The following DISP3 variants were observed in gnomAD, a reference collection of about 807,000 sequenced individuals.
DISP3 encodes the protein protein dispatched homolog 3.
In DISP3, 101 loss-of-function variants were observed where a neutral mutation model predicts 135.3. The observed-to-expected ratio is 0.75, with a 90% CI of 0.64 to 0.88. DISP3 has a LOEUF of 0.88. DISP3 is among the 40% of genes least tolerant of loss of function. The probability of loss-of-function intolerance (pLI) is 0.00; values close to 1 mark genes in which losing one functional copy is unlikely to be tolerated. For synonymous variants in DISP3, 856 were observed against 817.0 expected, an observed-to-expected ratio of 1.05 and a Z score of -0.81; for missense variants, 1,713 against 1,878.6, an observed-to-expected ratio of 0.91 and a Z score of 1.63.
Position 11,501,605 on chromosome 1 carries a change from C to A in DISP3, c.613C>A (p.Arg205Ser), listed in dbSNP as rs1004773311. The change falls in exon 2 of 21, where the codon CGT becomes AGT. Residue 205 changes from arginine (R) to serine (S), a missense_variant. Physicochemically the swap from Arg to Ser is moderately radical, Grantham distance 110 (BLOSUM62 -1). Coordinates refer to ENST00000294484, the MANE Select transcript of DISP3 (RefSeq NM_020780.2). This position sits in a 1 kb window ranked among gnomAD's most constrained non-coding sequence, Gnocchi z 4.9. ...PTANRSGRLR[R>S]ETPPLEDLAA... is the part of the protein sequence containing the mutation. ...AGCCAATCGGAGCGGGCGACTTCGG[C>A]GTGAGACCCCGCCCCTGGAGGATCT... The A allele has an allele frequency of 1.2e-5, 20 of 1,601,782 alleles. No homozygotes were observed. The highest frequency in any genetic ancestry group is 1.7e-5 in the Non-Finnish European group (20 of 1,173,606).
chr1:11,500,784 G>T (rs1440587438), intron 1 of DISP3, among the ~76,000 whole-genome samples: 2 of 152,200 alleles, frequency 1.3e-5, no homozygotes, highest in Non-Finnish European at 2.9e-5. Flanking sequence ...AGGGAGAAGT[G>T]ATGGGCAAAT....
chr1:11,522,706 A>G (rs376045929), intron 10 of DISP3, among the ~76,000 whole-genome samples: 472 of 24,120 alleles, frequency 0.02, 11 homozygotes, highest in East Asian at 0.057. Context: ...CCCAGCCAGG[A>G]CCCAGCCAGG....
chr1:11,482,141 T>A (rs956967771), intron 1 of DISP3, among the ~76,000 whole-genome samples: 1 of 152,226 alleles, frequency 6.6e-6, no homozygotes, highest in African/African-American at 2.4e-5. Flanking sequence ...CTCCCCATCC[T>A]CCCCATCCCC....
At chr1:11,482,376 T>C (rs899263652) in intron 1 of DISP3, among the ~76,000 whole-genome samples, 2 of 152,188 alleles carry the variant, frequency 1.3e-5, no homozygotes, top group African/African-American at 4.8e-5. Context: ...CAGGCTCTGA[T>C]GCCAAGAGGG....
At chr1:11,502,235 A>G in intron 2 of DISP3, 147 bp downstream of exon 2, 14 of 1,299,214 alleles carry the variant, frequency 1.1e-5, no homozygotes, top group Non-Finnish European at 1.3e-5. Flanking sequence ...GCAAGGTGAA[A>G]AGGGCTGGGC....
At chr1:11,525,885 C>G (rs1157946073) in intron 12 of DISP3, among the ~76,000 whole-genome samples, 4 of 152,214 alleles carry the variant, frequency 2.6e-5, no homozygotes, top group Non-Finnish European at 5.9e-5. Context: ...TCATAGCTCA[C>G]TGCAGCCTCG....
chr1:11,489,386 C>T (rs1371688290), intron 1 of DISP3, among the ~76,000 whole-genome samples: 1 of 152,252 alleles, frequency 6.6e-6, no homozygotes, highest in Non-Finnish European at 1.5e-5. Flanking sequence ...TTCCGCAGAG[C>T]TAGGAACTGG....
Position 11,536,835 on chromosome 1 carries a change from G to T in DISP3, c.*149G>T, listed in dbSNP as rs1487155017. On this transcript the variant is annotated 3_prime_UTR_variant, in exon 21 of 21. Coordinates refer to ENST00000294484, the MANE Select transcript of DISP3 (RefSeq NM_020780.2). This position sits in a 1 kb window ranked among gnomAD's most constrained non-coding sequence, Gnocchi z 4.3. ...GTGGAGGCTGACACCCACACAGATG[G>T]TGTGGACCATGCTGCCTTGTGGAGC... 2 of 1,088,960 alleles carry T rather than the reference G, an allele frequency of 1.8e-6. No homozygotes were observed. The highest frequency in any genetic ancestry group is 2.9e-5 in the Admixed American group (1 of 34,222). The allele number at this position is 1,088,960 out of a possible 1,614,324, so 67.5% of individuals were successfully genotyped here.
In DISP3 at chr1:11,520,855, CTTCTAGCCAGGCTG is replaced by C. The variant is rs759939731; in HGVS notation, c.2362+9_2362+22del. On this transcript the variant is annotated splice_region_variant and intron_variant, in intron 10 of 20. Coordinates refer to ENST00000294484, the MANE Select transcript of DISP3 (RefSeq NM_020780.2). The surrounding 1 kb of genome is among the most constrained non-coding windows in gnomAD (Gnocchi z 4.8). ...TCCTGCATCACCTGTTCAGGTGAGGCTTCTAGCCAGGCTGTCCCTGGCCCGCTCAGGTGTCCGGG... is the reference window on the plus strand; with the variant it reads ...TCCTGCATCACCTGTTCAGGTGAGGCTCCCTGGCCCGCTCAGGTGTCCGGG... 1 of 1,590,884 alleles carries C rather than the reference CTTCTAGCCAGGCTG, an allele frequency of 6.3e-7. No individual in the cohort carries two copies. Among genetic ancestry groups the C allele is most frequent in the East Asian group, 2.3e-5 (1 of 43,772 alleles).
chr1:11,501,978 C>T lies in DISP3; in HGVS notation c.986C>T (p.Ser329Phe), dbSNP rs754228171. The T allele has an allele frequency of 6.2e-7, 1 of 1,613,900 alleles. No homozygotes were observed. The change falls in exon 2 of 21, where the codon TCC becomes TTC. Residue 329 changes from serine to phenylalanine, a missense_variant. Transcript: ENST00000294484. This position sits in a 1 kb window ranked among gnomAD's most constrained non-coding sequence, Gnocchi z 4.9. ...HEVLKDLPLG[S>F]YSYCSPPSSL... ...GTGCTCAAGGATCTGCCGCTGGGCT[C>T]CTACTCCTACTGCTCGCCCCCCAGC...
Position 11,531,506 on chromosome 1 carries a change from G to A in DISP3, c.3230-59G>A. On this transcript the variant is annotated intron_variant, in intron 16 of 20. Coordinates refer to ENST00000294484, the MANE Select transcript of DISP3 (RefSeq NM_020780.2). The surrounding 1 kb of genome is among the most constrained non-coding windows in gnomAD (Gnocchi z 5.2). ...GTGAGTGCGTGGGCACAGGTGTGATGCAGGGGGACAGGCTCTTCCAGGGCC... is the reference window on the plus strand; with the variant it reads ...GTGAGTGCGTGGGCACAGGTGTGATACAGGGGGACAGGCTCTTCCAGGGCC... 1 of 1,610,436 alleles carries A rather than the reference G, an allele frequency of 6.2e-7. No individual in the cohort carries two copies. Among genetic ancestry groups the A allele is most frequent in the African/African-American group, 1.3e-5 (1 of 74,974 alleles).
intron 3 of DISP3, among the ~76,000 whole-genome samples, chr1:11,513,952 T>G (rs200827164): frequency 0.16 from 23,731 of 151,544 alleles, 2,120 homozygotes; most frequent in East Asian, 0.46. Flanking sequence ...GGTTATGTTT[T>G]TTTTTTTTTT....
intron 3 of DISP3, among the ~76,000 whole-genome samples, chr1:11,509,760 A>G (rs902381789): frequency 6.6e-6 from 1 of 152,012 alleles, no homozygotes. Context: ...CTTTTATCCT[A>G]TTCGTGTCCT....
Position 11,536,809 on chromosome 1 carries a change from C to T in DISP3, c.*123C>T, listed in dbSNP as rs1312831392. 11 of 1,283,630 alleles carry T rather than the reference C, an allele frequency of 8.6e-6. No homozygotes were observed. The highest frequency in any genetic ancestry group is 2.6e-5 in the East Asian group (1 of 39,154). 79.5% of individuals were successfully genotyped at this position (1,283,630 alleles called of 1,614,324 possible). On this transcript the variant is annotated 3_prime_UTR_variant, in exon 21 of 21. Transcript: ENST00000294484. The surrounding 1 kb of genome is among the most constrained non-coding windows in gnomAD (Gnocchi z 4.3). ...GGGCCCAGGGCGCCCTGCGGGCCAG[C>T]GTGGAGGCTGACACCCACACAGATG...
rs770770885 is a variant in DISP3 at position 11,534,485 on chromosome 1, G to C, written c.3480G>C (p.Leu1160=). ...AGGCCTTGCCCGAGGGCTCAGTCCTGCGCCGGGGCTTCCAGACCTGCGAGC... is the reference window on the plus strand; with the variant it reads ...AGGCCTTGCCCGAGGGCTCAGTCCTCCGCCGGGGCTTCCAGACCTGCGAGC... The part of the protein sequence containing the change: ...QLQALPEGSV[L]RRGFQTCEHW... The change falls in exon 18 of 21, where the codon CTG becomes CTC. Residue 1160 remains leucine (L), a synonymous_variant. Transcript: ENST00000294484. 1.9e-6 allele frequency: 3 copies of C among 1,614,076 alleles called. No individual in the cohort carries two copies. Among genetic ancestry groups the C allele is most frequent in the Non-Finnish European group, 2.5e-6 (3 of 1,180,016 alleles).
At chr1:11,480,719 C>T (rs1336685715) in intron 1 of DISP3, among the ~76,000 whole-genome samples, 2 of 138,038 alleles carry the variant, frequency 1.4e-5, no homozygotes. Context: ...ACACACTGTC[C>T]TGCTCCTATG....
At chr1:11,530,777 G>A in intron 15 of DISP3, 130 bp from the exon 16 acceptor site, 2 of 1,267,518 alleles carry the variant, frequency 1.6e-6, no homozygotes, top group South Asian at 1.3e-5. Flanking sequence ...GCAGTTGCAG[G>A]CTGCCAACAT....
In DISP3 at chr1:11,517,696, G is replaced by A. The variant is rs189926154; in HGVS notation, c.1889+94G>A. ...GCAACCTCTCTTCCAAAAGCCTTCT[G>A]TATGACCAGTCCTTTGCTAGGCAGG... is the stretch of plus-strand genomic sequence containing the variant. On this transcript the variant is annotated intron_variant, in intron 7 of 20. Coordinates refer to ENST00000294484, the MANE Select transcript of DISP3 (RefSeq NM_020780.2). 228 of 1,462,448 alleles carry A rather than the reference G, an allele frequency of 1.6e-4. 1 individual carries two copies. In the African/African-American group the frequency reaches 2.6e-3, roughly 17 times the overall value. 90.6% of individuals were successfully genotyped at this position (1,462,448 alleles called of 1,614,324 possible). A position where few individuals can be genotyped will look rare whatever the true frequency, so the allele number is the denominator to read the frequency against.
chr1:11,529,773 C>T lies in DISP3; in HGVS notation c.2930-14C>T, dbSNP rs1377827330. On this transcript the variant is annotated splice_polypyrimidine_tract_variant and intron_variant, in intron 14 of 20. Coordinates refer to ENST00000294484, the MANE Select transcript of DISP3 (RefSeq NM_020780.2). This position sits in a 1 kb window ranked among gnomAD's most constrained non-coding sequence, Gnocchi z 4.7. ...ACCCTGCCTTCCCTTACAGCTGTGA[C>T]TCCCTGTTCGCAGTGCCCAAGGCCC... The T allele has an allele frequency of 1.9e-6, 3 of 1,609,334 alleles. No individual in the cohort carries two copies. The highest frequency in any genetic ancestry group is 2.5e-6 in the Non-Finnish European group (3 of 1,176,894).
Sources: allele counts gnomAD v4.1 joint callset (sites outside exome capture counted in the v4.1 genomes callset), GRCh38; gene constraint gnomAD v4.1.1; non-coding constraint Gnocchi (gnomAD v3.1); transcripts MANE v1.5; gene names NCBI Gene and HGNC (gene_info 2026-07-23, HGNC 2026-07-21).